The following USP28 variants were observed in gnomAD, a reference collection of about 807,000 sequenced individuals.
USP28 encodes ubiquitin carboxyl-terminal hydrolase 28.
In USP28, 113 loss-of-function variants were observed where a neutral mutation model predicts 145.0. The observed-to-expected ratio is 0.78, with a 90% confidence interval of 0.67 to 0.91. The LOEUF (loss-of-function observed/expected upper bound fraction) is 0.91, where lower values mean the gene tolerates loss of function less well. Ranked by LOEUF, USP28 falls within the 40% of genes least tolerant of loss-of-function variation. The pLI is 0.00. For synonymous variants in USP28, 447 were observed against 450.9 expected (o/e 0.99, Z 0.11); for missense variants, 1,201 against 1,289.6 (o/e 0.93, Z 1.05).
chr11:113,841,679 C>A lies in USP28; in HGVS notation c.358G>T (p.Gly120Ter). 6.2e-7 allele frequency: 1 copy of A among 1,611,454 alleles called. No homozygotes were observed. The highest frequency in any genetic ancestry group is 8.5e-7 in the Non-Finnish European group (1 of 1,178,164). The change falls in exon 4 of 25, where the codon GGA becomes TGA. Residue 120 changes from glycine to a stop codon, truncating the protein, a stop_gained. Coordinates refer to ENST00000003302, the Ensembl canonical transcript of USP28. LOFTEE classifies it high-confidence loss of function. The stretch of plus-strand genomic sequence containing the variant: ...ATCAATAACCTGTTAAGATCTCTTC[C>A]ATCAGCTTGAATTTTGGGAGACTCC...
At chr11:113,808,363 C>T (rs1420940614) in exon 18 of USP28, 9 of 1,614,056 alleles carry the variant, frequency 5.6e-6, no homozygotes, top group Admixed American at 1.7e-5. Flanking sequence ...ATAGCCTGGG[C>T]AGTTTGCTCC....
Position 113,831,947 on chromosome 11 carries a change from T to TG in USP28, c.805_806insC (p.Asp269AlafsTer8). 1.9e-6 allele frequency: 3 copies of TG among 1,613,966 alleles called. No homozygotes were observed. Among genetic ancestry groups the TG allele is most frequent in the Non-Finnish European group, 2.5e-6 (3 of 1,179,918 alleles). On this transcript the variant is annotated frameshift_variant, in exon 8 of 25. Coordinates refer to ENST00000003302, the Ensembl canonical transcript of USP28. LOFTEE classifies it high-confidence loss of function. Reference sequence around the variant, plus strand: ...AACATTAACAGCTAGCTGGAATGCGTCCTCTAGCCAATCCAGGAGCTTGTG... The same window carrying TG: ...AACATTAACAGCTAGCTGGAATGCGTGCCTCTAGCCAATCCAGGAGCTTGTG...
chr11:113,851,471 C>G (rs1213977023), intron 3 of USP28, among the ~76,000 whole-genome samples: 1 of 152,108 alleles, frequency 6.6e-6, no homozygotes, highest in Non-Finnish European at 1.5e-5. Context: ...CCTCAAATGA[C>G]TTACTCCCTC....
At chr11:113,874,618 A>C (rs1949187608) in intron 1 of USP28, 2 of 1,288,504 alleles carry the variant, frequency 1.6e-6, no homozygotes, top group Admixed American at 2.3e-5. Flanking sequence ...CTCTTGAAAA[A>C]GTGCAGTACT....
chr11:113,847,176 G>A (rs1945955614), intron 3 of USP28, among the ~76,000 whole-genome samples: 1 of 152,048 alleles, frequency 6.6e-6, no homozygotes, highest in South Asian at 2.1e-4. Context: ...AAATTAACCT[G>A]ACAATACCTA....
At chr11:113,831,421 T>C (rs1260736191) in intron 8 of USP28, among the ~76,000 whole-genome samples, 2 of 152,178 alleles carry the variant, frequency 1.3e-5, no homozygotes, top group Non-Finnish European at 2.9e-5. Flanking sequence ...CAAAACTATT[T>C]TATAGTTACA....
chr11:113,821,938 G>A (rs2513567), intron 12 of USP28: 13,362 of 152,024 alleles, frequency 0.088, 697 homozygotes, highest in Non-Finnish European at 0.11. Flanking sequence ...GGGGGAATAC[G>A]TTCCCTGGCC....
intron 1 of USP28, among the ~76,000 whole-genome samples, chr11:113,865,502 T>C (rs777617461): frequency 1.3e-5 from 2 of 152,192 alleles, no homozygotes; most frequent in South Asian, 2.1e-4. Flanking sequence ...AGGACAGATA[T>C]ATAGACCAAC....
chr11:113,854,163 C>A, intron 2 of USP28, 95 bp downstream of exon 2: 1 of 1,158,830 alleles, frequency 8.6e-7, no homozygotes, highest in Non-Finnish European at 1.2e-6. Context: ...CCTATATGTG[C>A]TTTAATTTGG....
At chr11:113,825,957 G>A (rs1943236790) in intron 11 of USP28, among the ~76,000 whole-genome samples, 1 of 152,080 alleles carries the variant, frequency 6.6e-6, no homozygotes, top group Non-Finnish European at 1.5e-5. Flanking sequence ...CTGGTTATAT[G>A]CCTAAAAATA....
chr11:113,867,475 C>T (rs190437662), intron 1 of USP28, among the ~76,000 whole-genome samples: 2 of 152,122 alleles, frequency 1.3e-5, no homozygotes, highest in East Asian at 3.9e-4. Flanking sequence ...ACCATGTTGG[C>T]CAGGCTGGTC....
At chr11:113,874,100 C>T (rs1949103650) in intron 1 of USP28, among the ~76,000 whole-genome samples, 1 of 144,046 alleles carries the variant, frequency 6.9e-6, no homozygotes, top group South Asian at 2.2e-4. Context: ...GAGATCGCGC[C>T]ACTGCACCCC....
intron 1 of USP28, among the ~76,000 whole-genome samples, chr11:113,855,075 T>C (rs1946898874): frequency 1.3e-5 from 2 of 151,870 alleles, no homozygotes; most frequent in African/African-American, 4.8e-5. Context: ...AATTAACCAA[T>C]GATAACACCA....
At chr11:113,867,941 G>A (rs1948456208) in intron 1 of USP28, among the ~76,000 whole-genome samples, 1 of 152,138 alleles carries the variant, frequency 6.6e-6, no homozygotes. Flanking sequence ...GGGTTAAAGT[G>A]CCTACCAGCC....
intron 3 of USP28, 30 bp from the exon 4 acceptor site, chr11:113,841,798 T>C (rs1213211224): frequency 1.3e-6 from 2 of 1,490,586 alleles, no homozygotes; most frequent in African/African-American, 1.4e-5. Flanking sequence ...TTAATTAGTC[T>C]ATATATAGGA....
intron 12 of USP28, among the ~76,000 whole-genome samples, chr11:113,819,123 T>A (rs1942209427): frequency 6.6e-6 from 1 of 151,696 alleles, no homozygotes; most frequent in African/African-American, 2.4e-5. Flanking sequence ...TTCTTTTTTT[T>A]TTTTTTTGAG....
intron 13 of USP28, among the ~76,000 whole-genome samples, chr11:113,817,191 A>T (rs1380868341): frequency 6.6e-6 from 1 of 152,138 alleles, no homozygotes; most frequent in Non-Finnish European, 1.5e-5. Flanking sequence ...TTTACTAGAG[A>T]AGCCCCTCTA....
In USP28 at chr11:113,825,491, C is replaced by T. The variant is rs189908846; in HGVS notation, c.1187+1742G>A. ...ACACTTTTCATAGAACCAAGCAATC[C>T]TACTCCTACATATTTTACCCAAGAA... On this transcript the variant is annotated intron_variant, in intron 11 of 24. Transcript: ENST00000003302. 2.6e-3 allele frequency among the ~76,000 whole-genome samples: 397 copies of T among 152,244 alleles called. 1 individual carries two copies. In the Middle Eastern group the frequency reaches 0.041, roughly 16 times the overall value.
chr11:113,837,061 C>T (rs529176348), intron 5 of USP28, among the ~76,000 whole-genome samples: 1 of 152,354 alleles, frequency 6.6e-6, no homozygotes, highest in African/African-American at 2.4e-5. Context: ...ACAGTTAATA[C>T]TGCAACCTGT....
Sources: gnomAD v4.1 joint callset for allele counts (sites outside exome capture counted in the v4.1 genomes callset) on GRCh38, gnomAD v4.1.1 for gene constraint, MANE v1.5 for transcripts, NCBI Gene and HGNC (gene_info 2026-07-23, HGNC 2026-07-21) for gene names.